The following NHSL2 variants were observed in gnomAD, a reference collection of about 807,000 sequenced individuals.
NHSL2 encodes the protein NHS-like protein 2.
NHSL2 carries 27 observed loss-of-function variants against 53.4 expected under a neutral mutation model. The observed-to-expected ratio is 0.51, with a 90% CI of 0.37 to 0.70. The LOEUF (loss-of-function observed/expected upper bound fraction) is 0.70, where lower values mean the gene tolerates loss of function less well. Ranked by LOEUF, NHSL2 falls within the 30% of genes least tolerant of loss-of-function variation. The pLI is 0.00. For missense variants in NHSL2, 892 were observed against 980.1 expected (o/e 0.91, Z 1.20); for synonymous variants, 408 against 404.1 (o/e 1.01, Z -0.12).
At chrX:71,923,996 A>G (rs527777177) in intron 1 of NHSL2, among the ~76,000 whole-genome samples, 3 of 112,207 alleles carry the variant, frequency 2.7e-5, no homozygotes, top group African/African-American at 9.7e-5. Flanking sequence ...AAAGGAAAGC[A>G]GTTTATCTTT....
chrX:71,946,872 C>T (rs1303272250), intron 1 of NHSL2, among the ~76,000 whole-genome samples: 1 of 112,004 alleles, frequency 8.9e-6, no homozygotes, highest in Non-Finnish European at 1.9e-5. Flanking sequence ...TCAATTTCTT[C>T]ATCTGTAAAA....
chrX:71,946,012 C>T (rs1275254702), intron 1 of NHSL2, among the ~76,000 whole-genome samples: 2 of 112,411 alleles, frequency 1.8e-5, no homozygotes, highest in East Asian at 2.8e-4. Flanking sequence ...AGACAAGCCT[C>T]AGGCTGACAT....
At chrX:71,957,129 G>A (rs73559864) in intron 1 of NHSL2, among the ~76,000 whole-genome samples, 1,779 of 112,172 alleles carry the variant, frequency 0.016, 35 homozygotes, top group African/African-American at 0.054. Context: ...AAACCCCATG[G>A]CGGGAACACA....
At chrX:71,963,997 A>G (rs866661914) in intron 1 of NHSL2, among the ~76,000 whole-genome samples, 867 of 35,679 alleles carry the variant, frequency 0.024, 56 homozygotes, top group African/African-American at 0.091. Context: ...ATATATGTAT[A>G]TACATATATA....
intron 1 of NHSL2, among the ~76,000 whole-genome samples, chrX:72,016,940 C>A (rs955382402): frequency 8.9e-6 from 1 of 111,831 alleles, no homozygotes; most frequent in African/African-American, 3.3e-5. Context: ...CATATGGTAA[C>A]ATTAGGAGCC....
chrX:71,955,352 G>A (rs1490404094), intron 1 of NHSL2, among the ~76,000 whole-genome samples: 5 of 110,730 alleles, frequency 4.5e-5, no homozygotes, highest in East Asian at 2.8e-4. Flanking sequence ...AAAGGAAAAT[G>A]ACCCATCCTT....
chrX:72,103,578 G>C (rs770483420), intron 1 of NHSL2, among the ~76,000 whole-genome samples: 11 of 111,700 alleles, frequency 9.8e-5, no homozygotes, highest in African/African-American at 3.3e-4. Flanking sequence ...GATCCAAGCA[G>C]AGTAGTGGCC....
At chrX:72,041,610 G>A (rs1336309313) in intron 1 of NHSL2, among the ~76,000 whole-genome samples, 3 of 112,274 alleles carry the variant, frequency 2.7e-5, no homozygotes, top group Non-Finnish European at 3.8e-5. Context: ...AATGGAACTG[G>A]GAAGGGAACC....
At chrX:72,083,746 A>C (rs181514124) in intron 1 of NHSL2, among the ~76,000 whole-genome samples, 1 of 112,444 alleles carries the variant, frequency 8.9e-6, no homozygotes, top group Non-Finnish European at 1.9e-5. Flanking sequence ...AAATAGAACC[A>C]GTGGTGCCTA....
chrX:71,963,370 A>T (rs1393496106), intron 1 of NHSL2, among the ~76,000 whole-genome samples: 1 of 111,838 alleles, frequency 8.9e-6, no homozygotes, highest in Non-Finnish European at 1.9e-5. Flanking sequence ...GGAATAGAGA[A>T]TAAAAAGCTA....
chrX:72,006,845 A>C (rs1159713441), intron 1 of NHSL2, among the ~76,000 whole-genome samples: 1 of 112,623 alleles, frequency 8.9e-6, no homozygotes, highest in Admixed American at 9.3e-5. Context: ...GCTCCTAGCC[A>C]TCCAGTTTTT....
chrX:71,973,148 G>A (rs2041933336), intron 1 of NHSL2, among the ~76,000 whole-genome samples: 1 of 111,592 alleles, frequency 9.0e-6, no homozygotes, highest in Non-Finnish European at 1.9e-5. Context: ...AGCCAGTAAG[G>A]CTGTCCTTTG....
chrX:72,054,342 A>G, intron 1 of NHSL2, among the ~76,000 whole-genome samples: 1 of 111,725 alleles, frequency 9.0e-6, no homozygotes, highest in East Asian at 2.8e-4. Context: ...TGCAATAAGC[A>G]GAACATTTTC....
At chrX:71,980,373 A>C (rs759797643) in intron 1 of NHSL2, among the ~76,000 whole-genome samples, 1 of 111,582 alleles carries the variant, frequency 9.0e-6, no homozygotes, top group South Asian at 3.8e-4. Context: ...TTTTCACGAT[A>C]TTGATTCTTC....
rs182214328 is a variant in NHSL2 at position 71,934,426 on chromosome X, G to A, written c.280+23059G>A. ...CGTGGATAGGCTAAGTTATGCTCCAGTGGCCACCACTATCAAATTCTCACT... is the reference window on the plus strand; with the variant it reads ...CGTGGATAGGCTAAGTTATGCTCCAATGGCCACCACTATCAAATTCTCACT... On this transcript the variant is annotated intron_variant, in intron 1 of 7. Transcript: ENST00000633930. 5.6e-4 allele frequency among the ~76,000 whole-genome samples: 63 copies of A among 112,027 alleles called. No individual in the cohort carries two copies. The East Asian group carries it at 0.017, about 29-fold the overall frequency.
At chrX:72,020,870 G>T (rs2042156705) in intron 1 of NHSL2, among the ~76,000 whole-genome samples, 1 of 112,745 alleles carries the variant, frequency 8.9e-6, no homozygotes, top group Non-Finnish European at 1.9e-5. Context: ...GTTTCAGAAG[G>T]TCTGGAGAAG....
At chrX:71,914,604 C>A (rs1448919229) in intron 1 of NHSL2, among the ~76,000 whole-genome samples, 2 of 112,274 alleles carry the variant, frequency 1.8e-5, no homozygotes, top group Non-Finnish European at 3.8e-5. Flanking sequence ...ACTCCCTCTT[C>A]ATCTTTATGT....
At chrX:71,991,868 G>A (rs2042029265) in intron 1 of NHSL2, among the ~76,000 whole-genome samples, 1 of 107,602 alleles carries the variant, frequency 9.3e-6, no homozygotes, top group African/African-American at 3.6e-5. Flanking sequence ...GGCTGTCAGT[G>A]GCCTAGTTTG....
intron 1 of NHSL2, among the ~76,000 whole-genome samples, chrX:71,923,539 C>G (rs1441652340): frequency 1.8e-5 from 2 of 112,058 alleles, no homozygotes; most frequent in African/African-American, 3.3e-5. Context: ...CAGGTGCCAC[C>G]AGGCACCAGG....
Sources: gnomAD v4.1 joint callset for allele counts (sites outside exome capture counted in the v4.1 genomes callset) on GRCh38, gnomAD v4.1.1 for gene constraint, MANE v1.5 for transcripts, NCBI Gene and HGNC (gene_info 2026-07-23, HGNC 2026-07-21) for gene names.